Variants in CNTN1 observed in about 807,000 individuals in gnomAD.
CNTN1 encodes the protein contactin-1.
In CNTN1, 38 loss-of-function variants were observed where a neutral mutation model predicts 126.4. The observed-to-expected ratio is 0.30, with a 90% CI of 0.23 to 0.39. CNTN1 has a LOEUF of 0.39. CNTN1 is among the 10% of genes least tolerant of loss of function. The probability of loss-of-function intolerance (pLI) is 1.00; values close to 1 mark genes in which losing one functional copy is unlikely to be tolerated. For missense variants in CNTN1, 1,009 were observed against 1,248.4 expected (o/e 0.81, Z 2.89); for synonymous variants, 413 against 422.6 (o/e 0.98, Z 0.28).
At chr12:40,948,258 C>CTTTTTTTTTTT (rs58087551) in intron 14 of CNTN1, among the ~76,000 whole-genome samples, 26 of 62,684 alleles carry the variant, frequency 4.1e-4, no homozygotes, top group African/African-American at 5.9e-4. Flanking sequence ...TTCTTTCTTT[C>CTTTTTTTTTTT]TTTTTTTTTT....
At chr12:40,755,335 G>T (rs1938565449) in intron 1 of CNTN1, among the ~76,000 whole-genome samples, 1 of 150,348 alleles carries the variant, frequency 6.7e-6, no homozygotes, top group Admixed American at 6.6e-5. Context: ...TTCTTCCAAA[G>T]AAACTTATCT....
At chr12:41,022,546 A>C (rs1948943457) in intron 20 of CNTN1, among the ~76,000 whole-genome samples, 1 of 152,212 alleles carries the variant, frequency 6.6e-6, no homozygotes, top group African/African-American at 2.4e-5. Context: ...CCTGTATTTA[A>C]GAATTTTCCC....
At chr12:40,968,969 T>G (rs994557810) in intron 15 of CNTN1, among the ~76,000 whole-genome samples, 2 of 152,152 alleles carry the variant, frequency 1.3e-5, no homozygotes, top group Admixed American at 6.6e-5. Context: ...AATTCCAAGT[T>G]AAGTTAGAGA....
rs1255938805 is a variant in CNTN1, at chr12:40,991,552, G to A, written c.1964-1568G>A. On this transcript the variant is annotated intron_variant, in intron 16 of 23. Transcript: ENST00000551295. ...CCAGTAAAAAAGGGCTACCTTGGCCGGGTATGGTGGCTCACGCCTGTAATC... is the reference window on the plus strand; with the variant it reads ...CCAGTAAAAAAGGGCTACCTTGGCCAGGTATGGTGGCTCACGCCTGTAATC... 2.0e-5 allele frequency among the ~76,000 whole-genome samples: 3 copies of A among 152,160 alleles called. No homozygotes were observed. In the East Asian group the frequency reaches 5.8e-4, roughly 29 times the overall value.
chr12:40,846,650 A>AT (rs1490773648), intron 1 of CNTN1, among the ~76,000 whole-genome samples: 2 of 151,976 alleles, frequency 1.3e-5, no homozygotes, highest in African/African-American at 4.8e-5. Context: ...TCAGAAATGT[A>AT]TAGGCATCCT....
intron 1 of CNTN1, among the ~76,000 whole-genome samples, chr12:40,790,980 T>C (rs1251650309): frequency 6.6e-6 from 1 of 152,136 alleles, no homozygotes; most frequent in Non-Finnish European, 1.5e-5. Context: ...AGCCACAGTT[T>C]GTAAAAGAGA....
intron 1 of CNTN1, among the ~76,000 whole-genome samples, chr12:40,866,144 AT>A (rs1943287535): frequency 6.6e-6 from 1 of 151,904 alleles, no homozygotes; most frequent in Non-Finnish European, 1.5e-5. Flanking sequence ...GAATATGATT[AT>A]TTTTTGCATA....
chr12:41,007,153 G>A (rs1014894514), intron 17 of CNTN1, among the ~76,000 whole-genome samples: 12 of 140,210 alleles, frequency 8.6e-5, no homozygotes, highest in Admixed American at 2.2e-4. Flanking sequence ...TCCGCCTCCC[G>A]GGTTCACGCC....
At chr12:40,999,028 A>C (rs1948288774) in intron 17 of CNTN1, among the ~76,000 whole-genome samples, 1 of 152,178 alleles carries the variant, frequency 6.6e-6, no homozygotes, top group Non-Finnish European at 1.5e-5. Flanking sequence ...TCTTAAATAA[A>C]ACATCAAAGC....
At chr12:40,711,031 A>G (rs2121163570) in intron 1 of CNTN1, among the ~76,000 whole-genome samples, 1 of 152,260 alleles carries the variant, frequency 6.6e-6, no homozygotes, top group East Asian at 1.9e-4. Context: ...GTAATATCTT[A>G]GTTAAATTCG....
At chr12:40,896,407 A>C (rs1250853206) in intron 1 of CNTN1, among the ~76,000 whole-genome samples, 1 of 152,122 alleles carries the variant, frequency 6.6e-6, no homozygotes, top group African/African-American at 2.4e-5. Flanking sequence ...TTATATTACT[A>C]TTCCCATTGT....
chr12:40,744,192 A>T (rs1454633330), intron 1 of CNTN1, among the ~76,000 whole-genome samples: 3 of 152,048 alleles, frequency 2.0e-5, no homozygotes, highest in African/African-American at 7.2e-5. Flanking sequence ...TGTGGGACTT[A>T]ATACCTAGGC....
chr12:40,759,077 A>G (rs934170665), intron 1 of CNTN1, among the ~76,000 whole-genome samples: 1 of 151,746 alleles, frequency 6.6e-6, no homozygotes, highest in Admixed American at 6.6e-5. Context: ...CTAATTTTGT[A>G]TTTTTAGTAG....
At position 40,734,599 on chromosome 12, in the gene CNTN1, G is replaced by GA. The variant is rs566854017; in HGVS notation, c.-77+42013dup. Reference sequence around the variant, plus strand: ...CCCACATTTTCTCATTAGGAAAATAGAAAAAATGATTTTACTTAGCTTATA... The same window carrying GA: ...CCCACATTTTCTCATTAGGAAAATAGAAAAAAATGATTTTACTTAGCTTATA... On this transcript the variant is annotated intron_variant, in intron 1 of 23. Transcript: ENST00000551295. 2.0e-3 allele frequency among the ~76,000 whole-genome samples: 303 copies of GA among 152,142 alleles called. 1 individual carries two copies. Among genetic ancestry groups the GA allele is most frequent in the South Asian group, 0.013 (65 of 4,816 alleles).
At chr12:40,930,591 G>A (rs1250131716) in intron 7 of CNTN1, among the ~76,000 whole-genome samples, 2 of 151,886 alleles carry the variant, frequency 1.3e-5, no homozygotes, top group Non-Finnish European at 2.9e-5. Context: ...CTTTTAAAAA[G>A]CACTGCTGCT....
chr12:40,900,429 C>T (rs564773940), intron 1 of CNTN1, among the ~76,000 whole-genome samples: 2 of 152,212 alleles, frequency 1.3e-5, no homozygotes, highest in Admixed American at 1.3e-4. Flanking sequence ...TTTTGTCCTA[C>T]ATTTTGGGAG....
chr12:40,918,254 T>C (rs1945313486), intron 3 of CNTN1, among the ~76,000 whole-genome samples: 1 of 152,144 alleles, frequency 6.6e-6, no homozygotes, highest in South Asian at 2.1e-4. Context: ...AGGTTTTGGC[T>C]TCCTGTTGGA....
chr12:40,878,148 C>T (rs190769708), intron 1 of CNTN1, among the ~76,000 whole-genome samples: 3 of 151,896 alleles, frequency 2.0e-5, no homozygotes, highest in East Asian at 3.9e-4. Flanking sequence ...CAGGCATGCA[C>T]CACCAAGCCC....
At chr12:40,739,821 C>A (rs1233833918) in intron 1 of CNTN1, among the ~76,000 whole-genome samples, 1 of 151,902 alleles carries the variant, frequency 6.6e-6, no homozygotes, top group East Asian at 1.9e-4. Flanking sequence ...AGTAACAATA[C>A]AAAGGAGAAA....
Sources: gnomAD v4.1 joint callset for allele counts (sites outside exome capture counted in the v4.1 genomes callset) on GRCh38, gnomAD v4.1.1 for gene constraint, MANE v1.5 for transcripts, NCBI Gene and HGNC (gene_info 2026-07-23, HGNC 2026-07-21) for gene names.